Variants in CD200 observed in about 807,000 individuals in gnomAD.
The protein encoded by CD200 is CD200 molecule.
Under a neutral mutation model 30.9 loss-of-function variants are expected in CD200, and 15 were observed. The ratio of observed to expected loss-of-function variants is 0.49; its 90% confidence interval spans 0.32 to 0.75. The LOEUF is 0.75. Among genes scored for constraint, CD200 ranks in the 30% least tolerant of loss-of-function variants. CD200 has a pLI of 0.03. For missense variants in CD200, 262 were observed against 324.2 expected, an observed-to-expected ratio of 0.81 and a Z score of 1.47; for synonymous variants, 134 against 126.2, an observed-to-expected ratio of 1.06 and a Z score of -0.41.
chr3:112,353,869 C>T (rs2081581180), intron 5 of CD200, among the ~76,000 whole-genome samples: 1 of 152,128 alleles, frequency 6.6e-6, no homozygotes, highest in Non-Finnish European at 1.5e-5. Flanking sequence ...CCCAACCCCA[C>T]CCCAGTATCC....
Position 112,335,891 on chromosome 3 carries a change from C to G in CD200, c.12+2667C>G, listed in dbSNP as rs995572394. The G allele has an allele frequency of 6.8e-6, 9 of 1,320,214 alleles. No individual in the cohort carries two copies. The East Asian group carries it at 2.1e-4, about 30-fold the overall frequency. The allele number at this position is 1,320,214 out of a possible 1,614,324, so 81.8% of individuals were successfully genotyped here. On this transcript the variant is annotated intron_variant, in intron 1 of 5. Coordinates refer to ENST00000315711, the MANE Select transcript of CD200 (RefSeq NM_005944.7). Reference sequence around the variant, plus strand: ...AGGGTACAAGTTGGCCCCAAGAGAGCTGAGACAATATTGGCTCTAATTTTT... The same window carrying G: ...AGGGTACAAGTTGGCCCCAAGAGAGGTGAGACAATATTGGCTCTAATTTTT...
chr3:112,333,462 T>A, intron 1 of CD200: 1 of 985,328 alleles, frequency 1.0e-6, no homozygotes. Context: ...AGATTCTCCA[T>A]TCCAATTGCC....
Position 112,362,755 on chromosome 3 carries a change from T to C in CD200, c.*1205T>C, listed in dbSNP as rs943593569. 7 of 152,634 alleles carry C rather than the reference T, an allele frequency of 4.6e-5. No individual in the cohort carries two copies. The highest frequency in any genetic ancestry group is 1.7e-4 in the African/African-American group (7 of 41,452). The allele number at this position is 152,634 out of a possible 1,614,324, so 9.5% of individuals were successfully genotyped here. On this transcript the variant is annotated 3_prime_UTR_variant, in exon 6 of 6. Coordinates refer to ENST00000315711, the MANE Select transcript of CD200 (RefSeq NM_005944.7). ...AAGATTTTCATGTGTTATTTAATTC[T>C]GTATTGTTTCTTATATTTGTAGTAA...
At chr3:112,337,863 A>G (rs2081153614) in intron 1 of CD200, among the ~76,000 whole-genome samples, 1 of 152,130 alleles carries the variant, frequency 6.6e-6, no homozygotes, top group African/African-American at 2.4e-5. Flanking sequence ...ATGCTGTAAT[A>G]TTTGCATATA....
At chr3:112,348,417 G>A (rs2108454719) in intron 4 of CD200, among the ~76,000 whole-genome samples, 1 of 152,276 alleles carries the variant, frequency 6.6e-6, no homozygotes, top group East Asian at 1.9e-4. Flanking sequence ...AAAGCAAACT[G>A]CCTCCTATCC....
chr3:112,350,043 T>A, intron 5 of CD200: 1 of 869,282 alleles, frequency 1.2e-6, no homozygotes, highest in Non-Finnish European at 1.4e-6. Context: ...TAAGATGACT[T>A]AAAAGCTAAT....
At chr3:112,359,822 T>C (rs1365210738) in intron 5 of CD200, among the ~76,000 whole-genome samples, 1 of 152,028 alleles carries the variant, frequency 6.6e-6, no homozygotes, top group African/African-American at 2.4e-5. Flanking sequence ...CACAAGGAAA[T>C]AATATAGAAT....
chr3:112,333,557 T>C (rs1192302111), intron 1 of CD200: 2 of 985,260 alleles, frequency 2.0e-6, no homozygotes, highest in African/African-American at 1.7e-5. Context: ...CAGGCTCGGC[T>C]CGGCTCACTG....
At chr3:112,336,713 G>A (rs985663123) in intron 1 of CD200, among the ~76,000 whole-genome samples, 1 of 152,018 alleles carries the variant, frequency 6.6e-6, no homozygotes, top group Non-Finnish European at 1.5e-5. Flanking sequence ...AGGGATGCCC[G>A]TGATGGGTTC....
chr3:112,342,403 TTCTTTCTTTCTTTC>T, intron 2 of CD200, among the ~76,000 whole-genome samples: 1 of 71,568 alleles, frequency 1.4e-5, no homozygotes, highest in East Asian at 4.2e-4. Context: ...CTTTCTTTCT[TTCTTTCTTTCTTTC>T]TTTCTTTCTT....
chr3:112,335,905 G>A, intron 1 of CD200: 2 of 1,435,654 alleles, frequency 1.4e-6, no homozygotes, highest in Non-Finnish European at 2.0e-6. Flanking sequence ...GACAATATTG[G>A]CTCTAATTTT....
intron 1 of CD200, among the ~76,000 whole-genome samples, chr3:112,337,214 A>G (rs1272188161): frequency 1.3e-5 from 2 of 152,030 alleles, no homozygotes; most frequent in African/African-American, 2.4e-5. Flanking sequence ...GGGAGATGGG[A>G]CCCCTTTGGC....
intron 2 of CD200, among the ~76,000 whole-genome samples, chr3:112,343,350 C>T (rs2081311831): frequency 6.6e-6 from 1 of 152,108 alleles, no homozygotes; most frequent in Non-Finnish European, 1.5e-5. Flanking sequence ...GTCACCCAGG[C>T]TGGAGTACAG....
intron 2 of CD200, among the ~76,000 whole-genome samples, 166 bp from the exon 3 acceptor site, chr3:112,344,796 T>G (rs1270171293): frequency 6.6e-6 from 1 of 152,262 alleles, no homozygotes; most frequent in Non-Finnish European, 1.5e-5. Flanking sequence ...TATTTGAACC[T>G]ATATATTTCT....
intron 2 of CD200, 102 bp from the exon 3 acceptor site, chr3:112,344,860 C>CTT (rs918308203): frequency 1.1e-6 from 1 of 919,326 alleles, no homozygotes; most frequent in Non-Finnish European, 1.6e-6. Flanking sequence ...TTTTCTCTTT[C>CTT]TTTTCTATAT....
intron 2 of CD200, among the ~76,000 whole-genome samples, chr3:112,343,502 A>T (rs1428960787): frequency 6.6e-6 from 1 of 152,066 alleles, no homozygotes; most frequent in Non-Finnish European, 1.5e-5. Context: ...TAAGGGTCTC[A>T]TCTCTTGCCC....
chr3:112,346,206 T>C (rs529269293), intron 3 of CD200, among the ~76,000 whole-genome samples: 2 of 152,238 alleles, frequency 1.3e-5, no homozygotes, highest in South Asian at 4.1e-4. Context: ...TTCCACTTCT[T>C]TCATTCTCTC....
At chr3:112,350,505 G>C (rs990547526) in intron 5 of CD200, among the ~76,000 whole-genome samples, 3 of 152,096 alleles carry the variant, frequency 2.0e-5, no homozygotes, top group African/African-American at 4.8e-5. Context: ...AAGATATTGT[G>C]AGAAATTATA....
chr3:112,337,006 C>G (rs571005758), intron 1 of CD200, among the ~76,000 whole-genome samples: 6 of 151,310 alleles, frequency 4.0e-5, no homozygotes, highest in Non-Finnish European at 8.8e-5. Flanking sequence ...TTTTCACTGA[C>G]AAGAGAGAAT....
Sources: gnomAD v4.1 joint callset for allele counts (sites outside exome capture counted in the v4.1 genomes callset) on GRCh38, gnomAD v4.1.1 for gene constraint, MANE v1.5 for transcripts, NCBI Gene and HGNC (gene_info 2026-07-23, HGNC 2026-07-21) for gene names.